The following IQUB variants were observed in gnomAD, a reference collection of about 807,000 sequenced individuals.
IQUB encodes IQ motif and ubiquitin domain containing, also known as IQ motif and ubiquitin-like domain-containing protein.
A neutral mutation model predicts 86.4 loss-of-function variants in IQUB; 86 were observed. The ratio of observed to expected loss-of-function variants is 1.00; its 90% CI spans 0.84 to 1.19. IQUB has a LOEUF of 1.19. IQUB is among the 50% of genes most tolerant of loss of function. IQUB has a pLI of 0.00. For synonymous variants in IQUB, 289 were observed against 304.5 expected (o/e 0.95, Z 0.53); for missense variants, 946 against 916.9 (o/e 1.03, Z -0.41).
chr7:123,505,940 G>GCACATATGAC (rs1796157547), intron 3 of IQUB, among the ~76,000 whole-genome samples: 1 of 151,972 alleles, frequency 6.6e-6, no homozygotes, highest in African/African-American at 2.4e-5. Flanking sequence ...TCATCTCCTT[G>GCACATATGAC]CTCACACATA....
In IQUB at chr7:123,514,540, T is replaced by C. The variant is rs569035129; in HGVS notation, c.-4-2196A>G. Reference sequence around the variant, plus strand: ...GAAATATTAGACAATAATATATAATTGAGAAGGGAAAAAAACAGACCAAAC... The same window carrying C: ...GAAATATTAGACAATAATATATAATCGAGAAGGGAAAAAAACAGACCAAAC... On this transcript the variant is annotated intron_variant, in intron 1 of 12. Transcript: ENST00000324698. Among the ~76,000 whole-genome samples the C allele has an allele frequency of 5.0e-4, 76 of 152,092 alleles. 1 individual carries two copies. The highest frequency in any genetic ancestry group is 1.8e-3 in the African/African-American group (75 of 41,354).
At chr7:123,483,179 T>C (rs768342391) in intron 7 of IQUB, among the ~76,000 whole-genome samples, 9 of 152,172 alleles carry the variant, frequency 5.9e-5, no homozygotes, top group Middle Eastern at 3.4e-3. Flanking sequence ...TTCCTCCCCA[T>C]AGACAGTAGG....
At position 123,457,557 on chromosome 7, in the gene IQUB, T is replaced by C; in HGVS notation, c.2017A>G (p.Ile673Val). The change falls in exon 12 of 13, where the codon ATT becomes GTT. Residue 673 changes from isoleucine (I) to valine (V), a missense_variant. Transcript: ENST00000324698. The part of the protein sequence containing the change: ...KIAFLMQLQD[I>V]QYLTENIWAS... Reference sequence around the variant, plus strand: ...CAGATGTTCTCTGTCAGGTACTGAATGTCTTGTAGCTGCATGTCAAAGCAA... The same window carrying C: ...CAGATGTTCTCTGTCAGGTACTGAACGTCTTGTAGCTGCATGTCAAAGCAA... 2 of 1,603,088 alleles carry C rather than the reference T, an allele frequency of 1.2e-6. No homozygotes were observed. The highest frequency in any genetic ancestry group is 1.1e-5 in the South Asian group (1 of 88,536).
intron 3 of IQUB, 70 bp downstream of exon 3, chr7:123,509,831 C>T (rs1442130026): frequency 7.5e-7 from 1 of 1,338,222 alleles, no homozygotes; most frequent in African/African-American, 1.5e-5. Flanking sequence ...TTTTTAAAAT[C>T]AAAGATCTTG....
chr7:123,525,982 G>A (rs1584658853), intron 1 of IQUB, among the ~76,000 whole-genome samples: 1 of 141,738 alleles, frequency 7.1e-6, no homozygotes, highest in African/African-American at 2.6e-5. Flanking sequence ...TCAGGAGCAT[G>A]TTGTTCAGTT....
intron 1 of IQUB, among the ~76,000 whole-genome samples, chr7:123,530,037 G>T (rs1328807820): frequency 1.3e-5 from 2 of 149,580 alleles, no homozygotes; most frequent in East Asian, 4.0e-4. Flanking sequence ...ATCTCAAAAA[G>T]AAAACAAAAC....
At chr7:123,464,727 C>A in intron 10 of IQUB, 106 bp downstream of exon 10, 1 of 582,418 alleles carries the variant, frequency 1.7e-6, no homozygotes, top group Non-Finnish European at 2.9e-6. Flanking sequence ...TGGTATTCCA[C>A]ATGGACTCCC....
chr7:123,461,623 A>C lies in IQUB; in HGVS notation c.1759-18T>G. ...TGAGGGACCTAAATAAATAGTAAAA[A>C]AAGAAAAAAAAGGTCTAAAAAGCCA... On this transcript the variant is annotated intron_variant, in intron 10 of 12. Coordinates refer to ENST00000324698, the MANE Select transcript of IQUB (RefSeq NM_178827.5). 1 of 1,539,684 alleles carries C rather than the reference A, an allele frequency of 6.5e-7. No homozygotes were observed.
At chr7:123,518,599 A>G (rs1378607401) in intron 1 of IQUB, among the ~76,000 whole-genome samples, 1 of 151,974 alleles carries the variant, frequency 6.6e-6, no homozygotes, top group African/African-American at 2.4e-5. Flanking sequence ...GAAATGTGTT[A>G]CTACAAACAT....
Position 123,512,283 on chromosome 7 carries a change from T to C in IQUB, c.58A>G (p.Ser20Gly). 6.2e-7 allele frequency: 1 copy of C among 1,610,450 alleles called. No homozygotes were observed. The highest frequency in any genetic ancestry group is 8.5e-7 in the Non-Finnish European group (1 of 1,176,966). The part of the protein sequence containing the change: ...AQNIVNSTEE[S>G]DDAFDTVTIP... ...GTGACAGTATCAAAAGCATCATCAC[T>C]CTCTTCTGTTGAATTGACTATATTC... Residue 20 changes from serine to glycine, a missense_variant, in exon 2 of 13, where the codon AGT becomes GGT. Physicochemically the swap from Ser to Gly is moderately conservative, Grantham distance 56. Transcript: ENST00000324698.
chr7:123,525,876 C>T (rs1040798132), intron 1 of IQUB, among the ~76,000 whole-genome samples: 2 of 148,200 alleles, frequency 1.3e-5, no homozygotes, highest in African/African-American at 2.5e-5. Flanking sequence ...GCTTTGAATG[C>T]ATCCCAGAGA....
At chr7:123,516,645 A>G (rs1425914015) in intron 1 of IQUB, among the ~76,000 whole-genome samples, 2 of 146,850 alleles carry the variant, frequency 1.4e-5, no homozygotes. Context: ...GTATGAAAGA[A>G]ACTAAGAAAA....
chr7:123,479,928 G>A lies in IQUB; in HGVS notation c.1277C>T (p.Thr426Ile). 6.2e-7 allele frequency: 1 copy of A among 1,612,788 alleles called. No individual in the cohort carries two copies. Among genetic ancestry groups the A allele is most frequent in the Non-Finnish European group, 8.5e-7 (1 of 1,179,346 alleles). Residue 426 changes from threonine (T) to isoleucine (I), a missense_variant, in exon 8 of 13, where the codon ACT becomes ATT. Coordinates refer to ENST00000324698, the MANE Select transcript of IQUB (RefSeq NM_178827.5). Reference protein sequence around the residue: ...EELTRINQSFTGAERKAALCE... With the variant: ...EELTRINQSFIGAERKAALCE... ...CAGAGCAGCTTTCCTTTCAGCTCCA[G>A]TAAAAGATTGGTTAATACGTGTAAG...
intron 8 of IQUB, among the ~76,000 whole-genome samples, chr7:123,474,576 T>C (rs1025624963): frequency 2.0e-5 from 3 of 152,178 alleles, no homozygotes; most frequent in Admixed American, 1.3e-4. Flanking sequence ...AAAAAGGTGA[T>C]TTAAATGATT....
Position 123,483,949 on chromosome 7 carries a change from A to C in IQUB, c.1235-3979T>G, listed in dbSNP as rs892276308. 6.6e-5 allele frequency among the ~76,000 whole-genome samples: 10 copies of C among 152,078 alleles called. No homozygotes were observed. The South Asian group carries it at 2.1e-3, about 32-fold the overall frequency. On this transcript the variant is annotated intron_variant, in intron 7 of 12. Transcript: ENST00000324698. Reference sequence around the variant, plus strand: ...AAAATTTCAGGTTTACTTTAAAATCAGTCTCTATGCATTAGAAGATAAATA... The same window carrying C: ...AAAATTTCAGGTTTACTTTAAAATCCGTCTCTATGCATTAGAAGATAAATA...
chr7:123,484,656 T>A (rs1795145153), intron 7 of IQUB, among the ~76,000 whole-genome samples: 1 of 152,070 alleles, frequency 6.6e-6, no homozygotes, highest in Non-Finnish European at 1.5e-5. Context: ...AATATACTAC[T>A]TTTCTAGATA....
intron 7 of IQUB, among the ~76,000 whole-genome samples, chr7:123,481,955 G>C (rs1053876682): frequency 4.6e-5 from 7 of 151,956 alleles, no homozygotes; most frequent in Non-Finnish European, 1.0e-4. Flanking sequence ...TAGAATTCTA[G>C]TGACATGATG....
intron 12 of IQUB, among the ~76,000 whole-genome samples, chr7:123,454,391 ATTG>A (rs1374642380): frequency 1.3e-5 from 2 of 152,210 alleles, no homozygotes; most frequent in African/African-American, 2.4e-5. Context: ...TATTATTTAT[ATTG>A]TTAAGTAAAG....
At chr7:123,471,637 C>A (rs1037464669) in intron 8 of IQUB, among the ~76,000 whole-genome samples, 2 of 151,514 alleles carry the variant, frequency 1.3e-5, no homozygotes, top group African/African-American at 4.9e-5. Flanking sequence ...TGTTTTCCCC[C>A]CCAAGTTTTT....
Sources: gnomAD v4.1 joint callset for allele counts (sites outside exome capture counted in the v4.1 genomes callset) on GRCh38, gnomAD v4.1.1 for gene constraint, MANE v1.5 for transcripts, NCBI Gene and HGNC (gene_info 2026-07-23, HGNC 2026-07-21) for gene names.